The following DHRSX variants were observed in gnomAD, a reference collection of about 807,000 sequenced individuals.
DHRSX encodes polyprenol dehydrogenase.
DHRSX carries 31 observed loss-of-function variants against 34.0 expected under a neutral mutation model. The observed-to-expected ratio is 0.91, with a 90% CI of 0.69 to 1.23. The LOEUF (loss-of-function observed/expected upper bound fraction) is 1.23. DHRSX is among the 50% of genes most tolerant of loss of function. The pLI is 0.00. For synonymous variants in DHRSX, 201 were observed against 183.8 expected (o/e 1.09, Z -0.76); for missense variants, 414 against 428.1 (o/e 0.97, Z 0.29).
intron 1 of DHRSX, chrX:2,490,812 C>CAGGCACGCACGGG: frequency 6.6e-7 from 1 of 1,518,202 alleles, no homozygotes. Flanking sequence ...AGAAGGGACC[C>CAGGCACGCACGGG]AGGCACGCAC....
At chrX:2,398,732 C>T (rs1401894329) in intron 3 of DHRSX, among the ~76,000 whole-genome samples, 2 of 143,952 alleles carry the variant, frequency 1.4e-5, no homozygotes, top group African/African-American at 2.6e-5. Context: ...TGCAGTGGTG[C>T]GATCTCGGCT....
At position 2,293,782 on chromosome X, in the gene DHRSX, C is replaced by T. The variant is rs376518074; in HGVS notation, c.287-2179G>A. ...AGAACTGTTAATATTTTTATGAAGG[C>T]CACATAGCTTTCAGAGGATAAGCAG... On this transcript the variant is annotated intron_variant, in intron 3 of 6. Coordinates refer to ENST00000334651, the MANE Select transcript of DHRSX (RefSeq NM_145177.3). Among the ~76,000 whole-genome samples the T allele has an allele frequency of 3.9e-5, 6 of 152,084 alleles. 1 individual carries two copies. Among genetic ancestry groups the T allele is most frequent in the African/African-American group, 1.4e-4 (6 of 41,484 alleles).
intron 3 of DHRSX, among the ~76,000 whole-genome samples, chrX:2,322,555 C>CAAAAAAAAAAAAAA (rs752649879): frequency 8.1e-6 from 1 of 123,194 alleles, no homozygotes; most frequent in African/African-American, 3.0e-5. Flanking sequence ...AACTCCATCT[C>CAAAAAAAAAAAAAA]AAAAAAAAAA....
intron 3 of DHRSX, among the ~76,000 whole-genome samples, chrX:2,401,108 C>CT (rs35151918): frequency 5.2e-4 from 67 of 128,490 alleles, no homozygotes; most frequent in African/African-American, 1.0e-3. Flanking sequence ...ATTTGGGAAG[C>CT]TTTTTTTTTT....
At position 2,439,653 on chromosome X, in the gene DHRSX, G is replaced by A. The variant is rs756965184; in HGVS notation, c.110-14349C>T. Among the ~76,000 whole-genome samples the A allele has an allele frequency of 1.1e-4, 17 of 152,200 alleles. No homozygotes were observed. The East Asian group carries it at 1.9e-3, about 17-fold the overall frequency. On this transcript the variant is annotated intron_variant, in intron 1 of 6. Transcript: ENST00000334651. ...TGAGCTTGTTTTCCTGCAACTAGAC[G>A]GTCCCATCTGCGTGCGGGTGATGAG...
intron 1 of DHRSX, among the ~76,000 whole-genome samples, chrX:2,426,661 C>T (rs986982515): frequency 6.8e-6 from 1 of 147,284 alleles, no homozygotes; most frequent in African/African-American, 2.5e-5. Context: ...CTCCTTCTTT[C>T]TTCTTTTCCT....
chrX:2,471,651 A>G (rs1418380612), intron 1 of DHRSX, among the ~76,000 whole-genome samples: 1 of 152,152 alleles, frequency 6.6e-6, no homozygotes, highest in African/African-American at 2.4e-5. Context: ...AAGATTCCCA[A>G]TGCTATTAAC....
At chrX:2,469,008 A>G (rs1406418672) in intron 1 of DHRSX, among the ~76,000 whole-genome samples, 4 of 149,038 alleles carry the variant, frequency 2.7e-5, no homozygotes, top group Non-Finnish European at 5.9e-5. Flanking sequence ...GCTAAAAGAC[A>G]GCACTGAAGA....
intron 3 of DHRSX, among the ~76,000 whole-genome samples, chrX:2,376,220 G>A (rs1204320516): frequency 7.3e-6 from 1 of 137,494 alleles, no homozygotes; most frequent in Non-Finnish European, 1.7e-5. Context: ...ATTGCAGTAC[G>A]GATCTGAGGC....
chrX:2,250,783 G>C (rs1240160617), intron 5 of DHRSX, among the ~76,000 whole-genome samples: 2 of 152,140 alleles, frequency 1.3e-5, no homozygotes, highest in African/African-American at 2.4e-5. Flanking sequence ...AGCCCAAGCA[G>C]GTCTCAGCCT....
chrX:2,247,616 T>A (rs955401222), intron 5 of DHRSX, among the ~76,000 whole-genome samples: 3 of 138,262 alleles, frequency 2.2e-5, no homozygotes, highest in Admixed American at 7.8e-5. Context: ...ATTGCGCCAC[T>A]GCACTCCAGC....
Position 2,362,996 on chromosome X carries a change from G to A in DHRSX, c.286+45749C>T, listed in dbSNP as rs1480555692. On this transcript the variant is annotated intron_variant, in intron 3 of 6. Coordinates refer to ENST00000334651, the MANE Select transcript of DHRSX (RefSeq NM_145177.3). ...GGTATCATGCCGCCATTTTATCACC[G>A]TTCTATGATATCATGCCGCCATTTT... Among the ~76,000 whole-genome samples the A allele has an allele frequency of 2.3e-4, 24 of 104,206 alleles. 1 individual carries two copies. The highest frequency in any genetic ancestry group is 5.8e-4 in the African/African-American group (18 of 30,816). The allele number at this position is 104,206 out of a possible 152,430, so 68.4% of individuals were successfully genotyped here. A position where few individuals can be genotyped will look rare whatever the true frequency, so the allele number is the denominator to read the frequency against.
intron 3 of DHRSX, among the ~76,000 whole-genome samples, chrX:2,347,231 T>A (rs754178852): frequency 6.6e-6 from 1 of 152,296 alleles, no homozygotes; most frequent in South Asian, 2.1e-4. Context: ...AAGGCACGTC[T>A]CACATTGTGA....
At chrX:2,478,909 G>A (rs1316719703) in intron 1 of DHRSX, among the ~76,000 whole-genome samples, 3 of 151,918 alleles carry the variant, frequency 2.0e-5, no homozygotes, top group Admixed American at 6.6e-5. Context: ...GTGGCTAAGG[G>A]ACCACCGCCA....
intron 1 of DHRSX, among the ~76,000 whole-genome samples, chrX:2,443,369 G>A (rs2044086370): frequency 1.3e-5 from 2 of 151,854 alleles, no homozygotes; most frequent in South Asian, 2.1e-4. Flanking sequence ...TAACTCCTGG[G>A]CAGATATCCT....
chrX:2,267,058 T>C, intron 4 of DHRSX, 111 bp from the exon 5 acceptor site: 3 of 1,103,852 alleles, frequency 2.7e-6, no homozygotes, highest in Non-Finnish European at 4.1e-6. Context: ...GGGTGGGGTG[T>C]AGAGCTGGCG....
At chrX:2,259,285 TATAG>T (rs1449692625) in intron 5 of DHRSX, among the ~76,000 whole-genome samples, 5 of 146,896 alleles carry the variant, frequency 3.4e-5, no homozygotes, top group Admixed American at 1.4e-4. Context: ...AAAAAAAATA[TATAG>T]ATAGATATAT....
intron 1 of DHRSX, among the ~76,000 whole-genome samples, chrX:2,461,254 A>G (rs926996191): frequency 6.6e-6 from 1 of 152,184 alleles, no homozygotes; most frequent in African/African-American, 2.4e-5. Context: ...GAGTCCGGTG[A>G]CCTCGAACAC....
intron 5 of DHRSX, among the ~76,000 whole-genome samples, chrX:2,265,488 A>T (rs1263616381): frequency 2.3e-4 from 12 of 52,578 alleles, no homozygotes; most frequent in African/African-American, 5.0e-4. Flanking sequence ...GTCCAGCAGA[A>T]GCAGGGAGCA....
Sources: allele counts gnomAD v4.1 joint callset (sites outside exome capture counted in the v4.1 genomes callset), GRCh38; gene constraint gnomAD v4.1.1; transcripts MANE v1.5; gene names NCBI Gene and HGNC (gene_info 2026-07-23, HGNC 2026-07-21).